CARMIL1: variants seen among roughly 807,000 people sequenced by gnomAD.
The protein encoded by CARMIL1 is capping protein regulator and myosin 1 linker 1.
CARMIL1 carries 90 observed loss-of-function variants against 177.1 expected under a neutral mutation model. The observed-to-expected ratio is 0.51, with a 90% CI of 0.43 to 0.61. CARMIL1 has a LOEUF of 0.61. Ranked by LOEUF, CARMIL1 falls within the 20% of genes least tolerant of loss-of-function variation. The pLI is 0.00. For missense variants in CARMIL1, 1,380 were observed against 1,667.0 expected (o/e 0.83, Z 3.00); for synonymous variants, 577 against 606.2 (o/e 0.95, Z 0.71).
chr6:25,297,978 A>G (rs1782556553), intron 2 of CARMIL1, among the ~76,000 whole-genome samples: 1 of 152,222 alleles, frequency 6.6e-6, no homozygotes, highest in Non-Finnish European at 1.5e-5. Flanking sequence ...AAGTGTGCCT[A>G]CATTTAAATT....
At chr6:25,568,431 A>G (rs920100412) in intron 29 of CARMIL1, among the ~76,000 whole-genome samples, 2 of 152,162 alleles carry the variant, frequency 1.3e-5, no homozygotes, top group South Asian at 4.1e-4. Flanking sequence ...CTTGCTGGCT[A>G]AGGGTGGAGC....
chr6:25,583,866 T>C (rs76337402), intron 31 of CARMIL1, among the ~76,000 whole-genome samples: 2,884 of 145,448 alleles, frequency 0.02, 78 homozygotes, highest in African/African-American at 0.062. Context: ...CTTCAGGTTC[T>C]AGGATGTTAC....
rs1045836103 is a variant in CARMIL1 at position 25,577,781 on chromosome 6, A to G, written c.2743-3143A>G. Among the ~76,000 whole-genome samples, 1 of 152,306 alleles carries G rather than the reference A, an allele frequency of 6.6e-6. No homozygotes were observed. The highest frequency in any genetic ancestry group is 2.1e-4 in the South Asian group (1 of 4,822). The stretch of plus-strand genomic sequence containing the variant: ...AAAATTCATTAAAAAATTTGATCAA[A>G]TGAGTACAATTTCAGAGTAATGTAG... On this transcript the variant is annotated intron_variant, in intron 29 of 36. Coordinates refer to ENST00000329474, the MANE Select transcript of CARMIL1 (RefSeq NM_017640.6). This position sits in a 1 kb window ranked among gnomAD's most constrained non-coding sequence, Gnocchi z 4.5.
At chr6:25,462,948 TG>T (rs1270355480) in intron 8 of CARMIL1, among the ~76,000 whole-genome samples, 1 of 152,200 alleles carries the variant, frequency 6.6e-6, no homozygotes, top group Non-Finnish European at 1.5e-5. Context: ...GATATGTCAT[TG>T]TCTCCTTCTA....
intron 2 of CARMIL1, among the ~76,000 whole-genome samples, chr6:25,394,624 C>T (rs931264476): frequency 3.9e-5 from 6 of 152,288 alleles, no homozygotes; most frequent in South Asian, 2.1e-4. Flanking sequence ...GTGGTTAAGT[C>T]AGGGTCTCTC....
intron 2 of CARMIL1, among the ~76,000 whole-genome samples, chr6:25,325,106 A>C (rs1036487201): frequency 6.6e-6 from 1 of 152,152 alleles, no homozygotes; most frequent in Non-Finnish European, 1.5e-5. Flanking sequence ...GTTCTATATA[A>C]AACTTACTTC....
chr6:25,432,085 A>G (rs1221661199), intron 4 of CARMIL1, among the ~76,000 whole-genome samples: 1 of 152,192 alleles, frequency 6.6e-6, no homozygotes, highest in African/African-American at 2.4e-5. Context: ...AACACACACA[A>G]TATATACTTA....
intron 8 of CARMIL1, among the ~76,000 whole-genome samples, chr6:25,461,452 G>C (rs1263464531): frequency 6.6e-6 from 1 of 152,208 alleles, no homozygotes; most frequent in African/African-American, 2.4e-5. Context: ...TTTGGTGCTT[G>C]ATGCTGGCTG....
rs575845777 is a variant in CARMIL1, at chr6:25,279,767, G to C, written c.-29G>C. 2 of 1,612,912 alleles carry C rather than the reference G, an allele frequency of 1.2e-6. No individual in the cohort carries two copies. Among genetic ancestry groups the C allele is most frequent in the African/African-American group, 2.7e-5 (2 of 75,032 alleles). ...GGGGCCATAAATCAGAGTTGGACCTGCAATAACCCCCACACCTACAGGGCA... is the reference window on the plus strand; with the variant it reads ...GGGGCCATAAATCAGAGTTGGACCTCCAATAACCCCCACACCTACAGGGCA... On this transcript the variant is annotated 5_prime_UTR_variant, in exon 1 of 37. Coordinates refer to ENST00000329474, the MANE Select transcript of CARMIL1 (RefSeq NM_017640.6).
chr6:25,384,244 G>A (rs1347268955), intron 2 of CARMIL1, among the ~76,000 whole-genome samples: 3 of 152,172 alleles, frequency 2.0e-5, no homozygotes, highest in South Asian at 4.2e-4. Flanking sequence ...AGAATAGCAC[G>A]GTGGGACATT....
chr6:25,464,023 C>T (rs1378781071), intron 8 of CARMIL1, among the ~76,000 whole-genome samples: 5 of 151,942 alleles, frequency 3.3e-5, no homozygotes, highest in South Asian at 2.1e-4. Context: ...GGGGTTTCAC[C>T]GTTTTAGCCA....
At chr6:25,489,059 G>A (rs966323601) in intron 13 of CARMIL1, among the ~76,000 whole-genome samples, 4 of 152,166 alleles carry the variant, frequency 2.6e-5, no homozygotes, top group African/African-American at 9.7e-5. Flanking sequence ...CAGGTACTCA[G>A]GAGGCTGAGG....
At chr6:25,595,013 T>A (rs1048380371) in intron 32 of CARMIL1, among the ~76,000 whole-genome samples, 1 of 152,226 alleles carries the variant, frequency 6.6e-6, no homozygotes, top group African/African-American at 2.4e-5. Flanking sequence ...ATGGCATGAT[T>A]TAACAGACAG....
At chr6:25,424,662 G>A (rs1365558308) in intron 3 of CARMIL1, among the ~76,000 whole-genome samples, 1 of 152,176 alleles carries the variant, frequency 6.6e-6, no homozygotes, top group Non-Finnish European at 1.5e-5. Context: ...AATAAAATAT[G>A]AGTGCAAAAG....
At chr6:25,466,708 G>A (rs1800630133) in intron 9 of CARMIL1, among the ~76,000 whole-genome samples, 1 of 152,138 alleles carries the variant, frequency 6.6e-6, no homozygotes, top group East Asian at 1.9e-4. Flanking sequence ...GGAATGAGAC[G>A]TGGATCTGTA....
At position 25,472,476 on chromosome 6, in the gene CARMIL1, G is replaced by T; in HGVS notation, c.829G>T (p.Gly277Ter). The change falls in exon 11 of 37, where the codon GGA (glycine) becomes TGA (stop). Residue 277 changes from glycine to a stop codon, truncating the protein, a stop_gained. Coordinates refer to ENST00000329474, the MANE Select transcript of CARMIL1 (RefSeq NM_017640.6). LOFTEE classifies it high-confidence loss of function. Reference protein sequence around the residue: ...ASALAHNPNSGLHTINLAGNP... With the variant: ...ASALAHNPNS ...TGCTCTAGCACATAATCCCAACTCA[G>T]GACTCCACACAATTAACCTTGCTGG... is the stretch of plus-strand genomic sequence containing the variant. 1.3e-6 allele frequency: 2 copies of T among 1,584,254 alleles called. No homozygotes were observed. Among genetic ancestry groups the T allele is most frequent in the South Asian group, 1.2e-5 (1 of 86,032 alleles).
In CARMIL1 at chr6:25,287,183, C is replaced by T. The variant is rs150399274; in HGVS notation, c.138+2274C>T. Among the ~76,000 whole-genome samples the T allele has an allele frequency of 3.0e-3, 451 of 152,312 alleles. 4 individuals carry two copies. The highest frequency in any genetic ancestry group is 0.01 in the Middle Eastern group (3 of 294). On this transcript the variant is annotated intron_variant, in intron 2 of 36. Coordinates refer to ENST00000329474, the MANE Select transcript of CARMIL1 (RefSeq NM_017640.6). ...TTTAATTGCTTAATCCATTGTTAGC[C>T]TACTAAAATGGTTCATAAATGAGTT...
intron 2 of CARMIL1, among the ~76,000 whole-genome samples, chr6:25,288,095 C>T (rs1485419042): frequency 6.6e-6 from 1 of 152,176 alleles, no homozygotes. Context: ...ACTCCCAACT[C>T]AGGCCTGAGA....
intron 36 of CARMIL1, among the ~76,000 whole-genome samples, chr6:25,619,065 T>C (rs926089752): frequency 2.0e-5 from 3 of 152,200 alleles, no homozygotes; most frequent in African/African-American, 7.2e-5. Flanking sequence ...CTCTGTGCTG[T>C]GTGAGGGGGC....
Sources: gnomAD v4.1 joint callset for allele counts (sites outside exome capture counted in the v4.1 genomes callset) on GRCh38, gnomAD v4.1.1 for gene constraint, Gnocchi (gnomAD v3.1) non-coding constraint, MANE v1.5 for transcripts, NCBI Gene and HGNC (gene_info 2026-07-23, HGNC 2026-07-21) for gene names.